MICALL1: variants seen among roughly 807,000 people sequenced by gnomAD.
MICALL1 encodes MICAL-like protein 1.
Under a neutral mutation model 83.7 loss-of-function variants are expected in MICALL1, and 61 were observed. The ratio of observed to expected loss-of-function variants is 0.73; its 90% CI spans 0.59 to 0.90. The LOEUF is 0.90. Ranked by LOEUF, MICALL1 falls within the 40% of genes least tolerant of loss-of-function variation. MICALL1 has a pLI of 0.00. For synonymous variants in MICALL1, 481 were observed against 473.6 expected, an observed-to-expected ratio of 1.02 and a Z score of -0.20; for missense variants, 1,066 against 1,152.0, an observed-to-expected ratio of 0.93 and a Z score of 1.08.
chr22:37,910,153 T>C (rs1200914071), intron 1 of MICALL1, among the ~76,000 whole-genome samples: 1 of 152,228 alleles, frequency 6.6e-6, no homozygotes, highest in Non-Finnish European at 1.5e-5. Context: ...AAAACACAGA[T>C]GTTAATTAGG....
At position 37,931,837 on chromosome 22, in the gene MICALL1, A is replaced by G. The variant is rs747916938; in HGVS notation, c.1920A>G (p.Ser640=). ...CKENPFNRKP[S]PAASPATKKA... ...AGAATCCTTTTAACCGGAAGCCATCACCTGCAGCGTCCCCAGCCACAAAGA... is the reference window on the plus strand; with the variant it reads ...AGAATCCTTTTAACCGGAAGCCATCGCCTGCAGCGTCCCCAGCCACAAAGA... The change falls in exon 10 of 16, where the codon TCA becomes TCG. Residue 640 remains serine, a synonymous_variant. Transcript: ENST00000215957. 8.1e-6 allele frequency: 13 copies of G among 1,613,790 alleles called. No homozygotes were observed. Among genetic ancestry groups the G allele is most frequent in the Non-Finnish European group, 1.7e-6 (2 of 1,179,992 alleles).
At chr22:37,937,257 C>T (rs562344455) in intron 14 of MICALL1, 63 bp downstream of exon 14, 76 of 1,243,590 alleles carry the variant, frequency 6.1e-5, no homozygotes, top group Non-Finnish European at 8.1e-5. Context: ...CTCTGGGCCT[C>T]ATGGGTGGGG....
chr22:37,920,341 C>T (rs772122451), intron 5 of MICALL1, among the ~76,000 whole-genome samples: 40 of 151,964 alleles, frequency 2.6e-4, no homozygotes, highest in Non-Finnish European at 5.1e-4. Flanking sequence ...TTGAGTGTGC[C>T]CCTGAGTGGG....
chr22:37,936,524 G>T (rs1159126379), intron 13 of MICALL1, among the ~76,000 whole-genome samples: 2 of 152,214 alleles, frequency 1.3e-5, no homozygotes, highest in South Asian at 2.1e-4. Context: ...CCCTGCTGGG[G>T]CCCCTTGCAG....
At chr22:37,922,796 G>GTTTTTT (rs574266914) in intron 6 of MICALL1, among the ~76,000 whole-genome samples, 8 of 69,194 alleles carry the variant, frequency 1.2e-4, no homozygotes, top group Non-Finnish European at 1.4e-4. Context: ...GTTTTTTTTT[G>GTTTTTT]TTTTTTTTTT....
chr22:37,942,264 C>T lies in MICALL1; in HGVS notation c.*1434C>T, dbSNP rs1280322036. Reference sequence around the variant, plus strand: ...GACCTGGAGCTGGCGCCACCAACTCCAGGGCCTTTCCAGGGCCAGACAGGT... The same window carrying T: ...GACCTGGAGCTGGCGCCACCAACTCTAGGGCCTTTCCAGGGCCAGACAGGT... On this transcript the variant is annotated 3_prime_UTR_variant, in exon 16 of 16. Coordinates refer to ENST00000215957, the MANE Select transcript of MICALL1 (RefSeq NM_033386.4). 1.3e-5 allele frequency: 2 copies of T among 152,210 alleles called. No homozygotes were observed. The highest frequency in any genetic ancestry group is 2.9e-5 in the Non-Finnish European group (2 of 68,038). 9.4% of individuals were successfully genotyped at this position (152,210 alleles called of 1,614,324 possible).
Position 37,916,749 on chromosome 22 carries a change from A to G in MICALL1, c.338-958A>G, listed in dbSNP as rs185343357. Among the ~76,000 whole-genome samples, 229 of 152,292 alleles carry G rather than the reference A, an allele frequency of 1.5e-3. 3 individuals carry two copies. Among genetic ancestry groups the G allele is most frequent in the African/African-American group, 5.3e-3 (222 of 41,562 alleles). On this transcript the variant is annotated intron_variant, in intron 3 of 15. Coordinates refer to ENST00000215957, the MANE Select transcript of MICALL1 (RefSeq NM_033386.4). The stretch of plus-strand genomic sequence containing the variant: ...TGAAGGAAGCCGAGTGGCTGTGGGA[A>G]ATCAGAAAGGGGTTGGGGAGTAATG...
intron 1 of MICALL1, among the ~76,000 whole-genome samples, chr22:37,910,955 A>T (rs1928281777): frequency 6.6e-6 from 1 of 152,160 alleles, no homozygotes; most frequent in Admixed American, 6.5e-5. Context: ...GCCTCTGCCC[A>T]CCCATCTCCG....
chr22:37,916,800 G>A (rs1928704771), intron 3 of MICALL1, among the ~76,000 whole-genome samples: 1 of 152,168 alleles, frequency 6.6e-6, no homozygotes, highest in African/African-American at 2.4e-5. Flanking sequence ...GCTTCTTCAT[G>A]TGGCTTCTAA....
rs780017679 is a variant in MICALL1 at position 37,927,633 on chromosome 22, C to G, written c.1688C>G (p.Ser563Cys). Reference sequence around the variant, plus strand: ...TCTACCAACTCCTCCCTGGCCTCCTCTGGGGAACTAGTGGAGCCTAGAGTG... The same window carrying G: ...TCTACCAACTCCTCCCTGGCCTCCTGTGGGGAACTAGTGGAGCCTAGAGTG... Reference protein sequence around the residue: ...SLSTNSSLASSGELVEPRVEQ... With the variant: ...SLSTNSSLASCGELVEPRVEQ... The change falls in exon 9 of 16, where the codon TCT becomes TGT. Residue 563 changes from serine to cysteine, a missense_variant. Physicochemically the swap from Ser to Cys is moderately radical, Grantham distance 112. Transcript: ENST00000215957. The G allele has an allele frequency of 6.2e-7, 1 of 1,614,172 alleles. No homozygotes were observed. Among genetic ancestry groups the G allele is most frequent in the Non-Finnish European group, 8.5e-7 (1 of 1,179,998 alleles).
chr22:37,937,518 G>A (rs1930203188), intron 14 of MICALL1, among the ~76,000 whole-genome samples: 1 of 148,038 alleles, frequency 6.8e-6, no homozygotes, highest in African/African-American at 2.5e-5. Flanking sequence ...CTGTCTCCCA[G>A]GTTCAAGCGA....
In MICALL1 at chr22:37,927,490, G is replaced by C; in HGVS notation, c.1545G>C (p.Ser515=). 6.2e-7 allele frequency: 1 copy of C among 1,612,104 alleles called. No homozygotes were observed. The highest frequency in any genetic ancestry group is 8.5e-7 in the Non-Finnish European group (1 of 1,178,528). Residue 515 remains serine, a synonymous_variant, in exon 9 of 16, where the codon TCG becomes TCC. Transcript: ENST00000215957. ...CAGCGCTCAGCGTGGAGAGCCTGTC[G>C]TCTGAGAGCGCCAGCCAGACTGCAG... ...PSPALSVESL[S]SESASQTAGA...
At position 37,906,603 on chromosome 22, in the gene MICALL1, G is replaced by A. The variant is rs955461050; in HGVS notation, c.146+35G>A. ...GGGCCCCGGGCGAGCGGGCGGCGCG[G>A]GGCGGGCTGGGGCCGCGACCGCCGC... On this transcript the variant is annotated intron_variant, in intron 1 of 15. Transcript: ENST00000215957. The surrounding 1 kb of genome is among the most constrained non-coding windows in gnomAD (Gnocchi z 4.4). 111 of 1,152,816 alleles carry A rather than the reference G, an allele frequency of 9.6e-5. No individual in the cohort carries two copies. The highest frequency in any genetic ancestry group is 1.1e-4 in the Non-Finnish European group (101 of 933,344). The allele number at this position is 1,152,816 out of a possible 1,614,324, so 71.4% of individuals were successfully genotyped here. A position where few individuals can be genotyped will look rare whatever the true frequency, so the allele number is the denominator to read the frequency against.
chr22:37,925,343 G>A (rs990964325), intron 7 of MICALL1, among the ~76,000 whole-genome samples: 8 of 152,132 alleles, frequency 5.3e-5, no homozygotes, highest in Admixed American at 6.5e-5. Flanking sequence ...CCCATTGAGT[G>A]GAAAGGGAGA....
chr22:37,926,143 A>G, intron 8 of MICALL1, 100 bp downstream of exon 8: 1 of 1,403,778 alleles, frequency 7.1e-7, no homozygotes, highest in Non-Finnish European at 9.5e-7. Flanking sequence ...CAGGCCAGGC[A>G]CCACGTGTTT....
At chr22:37,935,543 G>A (rs1361207678) in intron 13 of MICALL1, among the ~76,000 whole-genome samples, 1 of 151,958 alleles carries the variant, frequency 6.6e-6, no homozygotes, top group African/African-American at 2.4e-5. Context: ...ACAGGCGTGA[G>A]CCACCGCACC....
intron 9 of MICALL1, among the ~76,000 whole-genome samples, chr22:37,929,703 A>C (rs1929684576): frequency 6.6e-6 from 1 of 152,204 alleles, no homozygotes; most frequent in Non-Finnish European, 1.5e-5. Context: ...GCCTGGGCTC[A>C]GTACTTTCCT....
intron 3 of MICALL1, among the ~76,000 whole-genome samples, chr22:37,915,726 G>C (rs1928635936): frequency 6.7e-6 from 1 of 149,620 alleles, no homozygotes; most frequent in African/African-American, 2.5e-5. Flanking sequence ...GCAGACTGCA[G>C]CCTCTGCCTC....
rs937357484 is a variant in MICALL1, at chr22:37,941,745, G to A, written c.*915G>A. 3.3e-5 allele frequency: 5 copies of A among 152,366 alleles called. No individual in the cohort carries two copies. Among genetic ancestry groups the A allele is most frequent in the Non-Finnish European group, 7.3e-5 (5 of 68,212 alleles). 9.4% of individuals were successfully genotyped at this position (152,366 alleles called of 1,614,324 possible). On this transcript the variant is annotated 3_prime_UTR_variant, in exon 16 of 16. Coordinates refer to ENST00000215957, the MANE Select transcript of MICALL1 (RefSeq NM_033386.4). ...TCATCACTGGTCTGTCTGCTCTGTTGTCTGTTCTTTCCCTGACTCCCTCCC... is the reference window on the plus strand; with the variant it reads ...TCATCACTGGTCTGTCTGCTCTGTTATCTGTTCTTTCCCTGACTCCCTCCC...
Sources: allele counts gnomAD v4.1 joint callset (sites outside exome capture counted in the v4.1 genomes callset), GRCh38; gene constraint gnomAD v4.1.1; non-coding constraint Gnocchi (gnomAD v3.1); transcripts MANE v1.5; gene names NCBI Gene and HGNC (gene_info 2026-07-23, HGNC 2026-07-21).